PCDHA9: variants seen among roughly 807,000 people sequenced by gnomAD.
PCDHA9 encodes protocadherin alpha-9.
Under a neutral mutation model 62.0 loss-of-function variants are expected in PCDHA9, and 62 were observed. The observed-to-expected ratio is 1.00, with a 90% CI of 0.81 to 1.23. The LOEUF (loss-of-function observed/expected upper bound fraction) is 1.23, where lower values mean the gene tolerates loss of function less well. Among genes scored for constraint, PCDHA9 ranks in the 50% most tolerant of loss-of-function variants. PCDHA9 has a pLI of 0.00. For missense variants in PCDHA9, 1,205 were observed against 1,249.8 expected (o/e 0.96, Z 0.54); for synonymous variants, 557 against 567.6 (o/e 0.98, Z 0.27).
intron 1 of PCDHA9, among the ~76,000 whole-genome samples, chr5:140,899,276 A>G (rs1402457704): frequency 2.8e-4 from 42 of 152,318 alleles, no homozygotes; most frequent in African/African-American, 9.4e-4. Flanking sequence ...GGCAGTTTTC[A>G]AAGGGAATAC....
chr5:140,882,022 A>G (rs2153382292), intron 1 of PCDHA9: 2 of 571,970 alleles, frequency 3.5e-6, no homozygotes, highest in Non-Finnish European at 5.6e-6. Flanking sequence ...TACTACATCA[A>G]TGGAAAATAT....
chr5:140,869,029 A>T, intron 1 of PCDHA9: 4 of 1,526,468 alleles, frequency 2.6e-6, no homozygotes, highest in South Asian at 2.7e-5. Flanking sequence ...ATTCAACGAG[A>T]TTTTTAACCT....
In PCDHA9 at chr5:140,855,474, C is replaced by T. The variant is rs997217146; in HGVS notation, c.2394+4585C>T. On this transcript the variant is annotated intron_variant, in intron 1 of 3. Transcript: ENST00000532602. Reference sequence around the variant, plus strand: ...ATAAACACCTCACAGATAGTTGATGCTTGACATTAGTGTCTAAATAAACCT... The same window carrying T: ...ATAAACACCTCACAGATAGTTGATGTTTGACATTAGTGTCTAAATAAACCT... Among the ~76,000 whole-genome samples, 3 of 149,784 alleles carry T rather than the reference C, an allele frequency of 2.0e-5. 1 individual carries two copies. Among genetic ancestry groups the T allele is most frequent in the African/African-American group, 7.3e-5 (3 of 40,830 alleles).
intron 1 of PCDHA9, among the ~76,000 whole-genome samples, chr5:140,899,167 T>C (rs1314014582): frequency 3.3e-5 from 5 of 152,124 alleles, no homozygotes; most frequent in Admixed American, 6.5e-5. Context: ...CTTTTCCTAA[T>C]TGAATACCCT....
At chr5:140,937,770 G>C (rs1353635012) in intron 1 of PCDHA9, among the ~76,000 whole-genome samples, 3 of 151,876 alleles carry the variant, frequency 2.0e-5, no homozygotes, top group Non-Finnish European at 4.4e-5. Flanking sequence ...AAATTAGTCG[G>C]GCGTGGTGGC....
At chr5:140,869,412 C>T (rs1164802929) in intron 1 of PCDHA9, 3 of 1,614,078 alleles carry the variant, frequency 1.9e-6, no homozygotes, top group Admixed American at 1.7e-5. Flanking sequence ...CGGAGTGCAG[C>T]ATCCACCTGG....
intron 1 of PCDHA9, chr5:140,868,884 T>C: frequency 1.4e-6 from 1 of 728,466 alleles, no homozygotes; most frequent in East Asian, 2.8e-5. Flanking sequence ...ACTCACAGTT[T>C]TAGGCGCAAG....
chr5:140,879,310 T>A (rs541864795), intron 1 of PCDHA9, among the ~76,000 whole-genome samples: 1 of 152,296 alleles, frequency 6.6e-6, no homozygotes, highest in African/African-American at 2.4e-5. Context: ...AAAGTAGAAG[T>A]TGACTCTCAC....
Position 140,946,631 on chromosome 5 carries a change from T to TATATATATATATATAC in PCDHA9, c.2395-32317_2395-32316insTATATATATATATACA, listed in dbSNP as rs57893927. On this transcript the variant is annotated intron_variant, in intron 1 of 3. Coordinates refer to ENST00000532602, the MANE Select transcript of PCDHA9 (RefSeq NM_031857.2). The stretch of plus-strand genomic sequence containing the variant: ...TGTGAAATATATATATATATATATA[T>TATATATATATATATAC]ACAATGGAATACTCATCAGCCATTA... 8.0e-3 allele frequency among the ~76,000 whole-genome samples: 1,048 copies of TATATATATATATATAC among 131,788 alleles called. 65 individuals carry two copies. Among genetic ancestry groups the TATATATATATATATAC allele is most frequent in the African/African-American group, 0.026 (735 of 28,674 alleles). The allele number at this position is 131,788 out of a possible 152,430, so 86.5% of individuals were successfully genotyped here. A position where few individuals can be genotyped will look rare whatever the true frequency, so the allele number is the denominator to read the frequency against.
intron 1 of PCDHA9, among the ~76,000 whole-genome samples, chr5:140,891,819 G>A (rs1282245838): frequency 6.6e-6 from 1 of 152,216 alleles, no homozygotes. Flanking sequence ...ATAAATTAAC[G>A]GCACTGTAAA....
rs1162515573 is a variant in PCDHA9, at chr5:140,941,250, T to C, written c.2395-37699T>C. 3.6e-5 allele frequency among the ~76,000 whole-genome samples: 5 copies of C among 139,366 alleles called. No homozygotes were observed. In the East Asian group the frequency reaches 1.0e-3, roughly 29 times the overall value. 91.4% of individuals were successfully genotyped at this position (139,366 alleles called of 152,430 possible). A position where few individuals can be genotyped will look rare whatever the true frequency, so the allele number is the denominator to read the frequency against. ...TTCTTTCTTTCTTTCTTTCTTTCTT[T>C]CTTTCTCTTTCTTTCTTTCTTTCCT... is the stretch of plus-strand genomic sequence containing the variant. On this transcript the variant is annotated intron_variant, in intron 1 of 3. Coordinates refer to ENST00000532602, the MANE Select transcript of PCDHA9 (RefSeq NM_031857.2).
chr5:140,870,197 G>A lies in PCDHA9; in HGVS notation c.2394+19308G>A. The stretch of plus-strand genomic sequence containing the variant: ...CCAGTACGAGAGGACGCTCAGCCCA[G>A]CACGGTCATTGCCCTGATCAGCGTG... On this transcript the variant is annotated intron_variant, in intron 1 of 3. Coordinates refer to ENST00000532602, the MANE Select transcript of PCDHA9 (RefSeq NM_031857.2). 1 of 1,614,174 alleles carries A rather than the reference G, an allele frequency of 6.2e-7. No individual in the cohort carries two copies. Among genetic ancestry groups the A allele is most frequent in the East Asian group, 2.2e-5 (1 of 44,880 alleles).
intron 1 of PCDHA9, chr5:140,875,945 CT>C (rs782069405): frequency 6.2e-7 from 1 of 1,614,144 alleles, no homozygotes; most frequent in South Asian, 1.1e-5. Flanking sequence ...GAGGGCGCTT[CT>C]GATGCGGATA....
At chr5:140,953,928 C>T (rs246028) in intron 1 of PCDHA9, among the ~76,000 whole-genome samples, 85,608 of 151,876 alleles carry the variant, frequency 0.56, 24,758 homozygotes, top group African/African-American at 0.69. Flanking sequence ...CTTCCTGATG[C>T]TCTCCCTCCC....
At chr5:140,952,098 C>T (rs1337442909) in intron 1 of PCDHA9, among the ~76,000 whole-genome samples, 2 of 152,108 alleles carry the variant, frequency 1.3e-5, no homozygotes, top group African/African-American at 4.8e-5. Flanking sequence ...ACATCCAGGG[C>T]ACACTCGTGT....
intron 1 of PCDHA9, among the ~76,000 whole-genome samples, chr5:140,970,841 C>T (rs782138970): frequency 2.0e-5 from 3 of 150,352 alleles, no homozygotes; most frequent in African/African-American, 7.5e-5. Context: ...ATGTAATGCA[C>T]AGGCACAAAA....
intron 1 of PCDHA9, chr5:140,863,366 C>A: frequency 8.4e-7 from 1 of 1,190,444 alleles, no homozygotes; most frequent in Non-Finnish European, 1.2e-6. Context: ...CGGTGCTTGG[C>A]GCAGCTCACC....
chr5:140,941,639 TC>T (rs2093135030), intron 1 of PCDHA9, among the ~76,000 whole-genome samples: 1 of 152,044 alleles, frequency 6.6e-6, no homozygotes, highest in Non-Finnish European at 1.5e-5. Context: ...ATTTCTGTCT[TC>T]CTACAACTTA....
chr5:140,874,158 G>T (rs986617459), intron 1 of PCDHA9, among the ~76,000 whole-genome samples: 8 of 152,108 alleles, frequency 5.3e-5, no homozygotes, highest in African/African-American at 1.7e-4. Context: ...GCCATTCTTG[G>T]TTACTCTTTC....
Sources: allele counts gnomAD v4.1 joint callset (sites outside exome capture counted in the v4.1 genomes callset), GRCh38; gene constraint gnomAD v4.1.1; transcripts MANE v1.5; gene names NCBI Gene and HGNC (gene_info 2026-07-23, HGNC 2026-07-21).